The following CRACD variants were observed in gnomAD, a reference collection of about 807,000 sequenced individuals.
CRACD encodes capping protein inhibiting regulator of actin dynamics.
A neutral mutation model predicts 106.8 loss-of-function variants in CRACD; 56 were observed. The observed-to-expected ratio is 0.52, with a 90% CI of 0.42 to 0.66. CRACD has a LOEUF of 0.66. Ranked by LOEUF, CRACD falls within the 30% of genes least tolerant of loss-of-function variation. The pLI is 0.00. For synonymous variants in CRACD, 754 were observed against 670.8 expected (o/e 1.12, Z -1.92); for missense variants, 1,730 against 1,623.2 (o/e 1.07, Z -1.13).
At chr4:56,268,043 G>A (rs1742132240) in intron 2 of CRACD, among the ~76,000 whole-genome samples, 1 of 152,060 alleles carries the variant, frequency 6.6e-6, no homozygotes, top group South Asian at 2.1e-4. Flanking sequence ...CCAACAATGT[G>A]ACCAGTGCAG....
At position 56,314,685 on chromosome 4, in the gene CRACD, G is replaced by A; in HGVS notation, c.1183G>A (p.Gly395Ser). Residue 395 changes from glycine (G) to serine (S), a missense_variant, in exon 8 of 11, where the codon GGC becomes AGC. By Grantham distance (56) the Gly-to-Ser change is moderately conservative. Coordinates refer to ENST00000682029, the MANE Select transcript of CRACD (RefSeq NM_001393381.1). This position sits in a 1 kb window ranked among gnomAD's most constrained non-coding sequence, Gnocchi z 4.4. ...GGAGGAGACTGGGGAGGGCCGGCGGGGCGCGGAGGAGGAGGATCTGGGGGA... is the reference window on the plus strand; with the variant it reads ...GGAGGAGACTGGGGAGGGCCGGCGGAGCGCGGAGGAGGAGGATCTGGGGGA... ...ALEETGEGRRGAEEEDLGEEE... is the reference protein window; with the variant it reads ...ALEETGEGRRSAEEEDLGEEE... 6.4e-7 allele frequency: 1 copy of A among 1,552,398 alleles called. No individual in the cohort carries two copies. The highest frequency in any genetic ancestry group is 8.7e-7 in the Non-Finnish European group (1 of 1,147,980).
chr4:56,173,719 T>C (rs1736471819), intron 1 of CRACD, among the ~76,000 whole-genome samples: 1 of 152,262 alleles, frequency 6.6e-6, no homozygotes. Context: ...TTGCTTTCAC[T>C]TCTTTTGCAT....
intron 1 of CRACD, among the ~76,000 whole-genome samples, chr4:56,173,417 G>A (rs1736458943): frequency 2.6e-5 from 4 of 152,224 alleles, no homozygotes; most frequent in African/African-American, 9.6e-5. Flanking sequence ...AGAGATGGGT[G>A]TTGAACTCCA....
intron 1 of CRACD, among the ~76,000 whole-genome samples, chr4:56,115,667 A>T (rs959298542): frequency 6.6e-6 from 1 of 152,196 alleles, no homozygotes; most frequent in Non-Finnish European, 1.5e-5. Context: ...AACTTGGGTC[A>T]TCAACTTCCC....
intron 1 of CRACD, among the ~76,000 whole-genome samples, chr4:56,152,258 C>G (rs1392808730): frequency 6.6e-6 from 1 of 151,686 alleles, no homozygotes. Context: ...ACCTCGTGAT[C>G]CACCCGGCTC....
At chr4:56,213,758 C>T (rs1318905227) in intron 2 of CRACD, among the ~76,000 whole-genome samples, 1 of 152,148 alleles carries the variant, frequency 6.6e-6, no homozygotes, top group Non-Finnish European at 1.5e-5. Flanking sequence ...TTTGATTGGC[C>T]AATACTTGGT....
chr4:56,135,635 G>C (rs186180052), intron 1 of CRACD, among the ~76,000 whole-genome samples: 1 of 152,186 alleles, frequency 6.6e-6, no homozygotes, highest in Admixed American at 6.5e-5. Context: ...AAAGACAGAC[G>C]TCTCATCTTT....
chr4:56,077,659 A>G (rs1732889428), intron 1 of CRACD, among the ~76,000 whole-genome samples: 2 of 152,220 alleles, frequency 1.3e-5, no homozygotes, highest in African/African-American at 2.4e-5. Flanking sequence ...TCCAGATTTT[A>G]TGTTCACCAT....
At chr4:56,087,936 C>T (rs149368466) in intron 1 of CRACD, among the ~76,000 whole-genome samples, 126 of 152,244 alleles carry the variant, frequency 8.3e-4, no homozygotes, top group African/African-American at 3.0e-3. Context: ...TTACCCCTCT[C>T]CACTATCTCT....
intron 2 of CRACD, among the ~76,000 whole-genome samples, chr4:56,239,765 C>T (rs751275397): frequency 2.0e-4 from 31 of 152,268 alleles, no homozygotes; most frequent in East Asian, 1.9e-4. Context: ...TCAGCTTCCC[C>T]GTGTCCTGGG....
chr4:56,161,602 C>T (rs2109904491), intron 1 of CRACD, among the ~76,000 whole-genome samples: 1 of 151,920 alleles, frequency 6.6e-6, no homozygotes, highest in South Asian at 2.1e-4. Context: ...AAGGCACCTG[C>T]CACAACTACC....
chr4:56,128,471 C>T (rs958178167), intron 1 of CRACD, among the ~76,000 whole-genome samples: 18 of 152,066 alleles, frequency 1.2e-4, no homozygotes, highest in African/African-American at 4.3e-4. Flanking sequence ...TGTGGCTGGG[C>T]AGAGCTTTCA....
chr4:56,313,827 G>A (rs562545689), intron 7 of CRACD, among the ~76,000 whole-genome samples: 10 of 152,168 alleles, frequency 6.6e-5, no homozygotes, highest in South Asian at 4.1e-4. Context: ...GGAGGGGGGC[G>A]CGGAAACAGA....
chr4:56,175,791 A>G (rs1469422119), intron 1 of CRACD, among the ~76,000 whole-genome samples: 2 of 152,184 alleles, frequency 1.3e-5, no homozygotes, highest in African/African-American at 4.8e-5. Context: ...AGCTCAATGT[A>G]ATCCCAATTG....
intron 1 of CRACD, among the ~76,000 whole-genome samples, chr4:56,095,454 T>C (rs751641648): frequency 2.6e-5 from 4 of 152,026 alleles, no homozygotes; most frequent in Non-Finnish European, 5.9e-5. Flanking sequence ...ACAGAGTTGC[T>C]AGGGAGGCCT....
chr4:56,301,025 G>A (rs1560525688), intron 4 of CRACD, among the ~76,000 whole-genome samples: 1 of 152,228 alleles, frequency 6.6e-6, no homozygotes, highest in Non-Finnish European at 1.5e-5. Flanking sequence ...TTCAGATGAA[G>A]TCTGCCTAGT....
Position 56,315,236 on chromosome 4 carries a change from C to T in CRACD, c.1734C>T (p.Ala578=), listed in dbSNP as rs1745519225. The change falls in exon 8 of 11, where the codon GCC becomes GCT. Residue 578 remains alanine (A), a synonymous_variant. Coordinates refer to ENST00000682029, the MANE Select transcript of CRACD (RefSeq NM_001393381.1). The surrounding 1 kb of genome is among the most constrained non-coding windows in gnomAD (Gnocchi z 4.1). ...CCCAGGAACCAAAGGCCCCCAAAGC[C>T]AGCCCAGTCCAGCACGCCCTACCGT... The part of the protein sequence containing the change: ...AAPQEPKAPK[A]SPVQHALPSS... 1 of 1,598,852 alleles carries T rather than the reference C, an allele frequency of 6.3e-7. No homozygotes were observed.
At chr4:56,215,928 T>A (rs1298297064) in intron 2 of CRACD, among the ~76,000 whole-genome samples, 2 of 152,228 alleles carry the variant, frequency 1.3e-5, no homozygotes, top group Non-Finnish European at 2.9e-5. Flanking sequence ...CTGGATAAAT[T>A]AATATGCTCT....
At chr4:56,297,099 TG>T (rs1344048732) in intron 3 of CRACD, among the ~76,000 whole-genome samples, 1 of 152,118 alleles carries the variant, frequency 6.6e-6, no homozygotes, top group African/African-American at 2.4e-5. Flanking sequence ...TTTTTGTTTT[TG>T]TTTTTGTTTT....
Sources: gnomAD v4.1 joint callset for allele counts (sites outside exome capture counted in the v4.1 genomes callset) on GRCh38, gnomAD v4.1.1 for gene constraint, Gnocchi (gnomAD v3.1) non-coding constraint, MANE v1.5 for transcripts, NCBI Gene and HGNC (gene_info 2026-07-23, HGNC 2026-07-21) for gene names.